TNXB: variants seen among roughly 807,000 people sequenced by gnomAD.
TNXB encodes the protein tenascin XB, also known as tenascin-X.
In TNXB, 183 loss-of-function variants were observed where a neutral mutation model predicts 340.5. The ratio of observed to expected loss-of-function variants is 0.54; its 90% CI spans 0.48 to 0.61. TNXB has a LOEUF of 0.61. TNXB is among the 20% of genes least tolerant of loss of function. The probability of loss-of-function intolerance (pLI) is 0.00; values close to 1 mark genes in which losing one functional copy is unlikely to be tolerated. For missense variants in TNXB, 4,613 were observed against 5,446.4 expected, an observed-to-expected ratio of 0.85 and a Z score of 4.82; for synonymous variants, 2,121 against 2,314.5, an observed-to-expected ratio of 0.92 and a Z score of 2.40.
intron 1 of TNXB, among the ~76,000 whole-genome samples, chr6:32,101,676 T>C (rs1250266310): frequency 4.0e-5 from 6 of 151,074 alleles, no homozygotes; most frequent in African/African-American, 1.5e-4. Flanking sequence ...TGATCTGCCT[T>C]GGCCTCCCAA....
chr6:32,064,592 G>A lies in TNXB; in HGVS notation c.6841+229C>T, dbSNP rs191786672. On this transcript the variant is annotated intron_variant, in intron 19 of 43. Transcript: ENST00000644971. The surrounding 1 kb of genome is among the most constrained non-coding windows in gnomAD (Gnocchi z 5.3). The stretch of plus-strand genomic sequence containing the variant: ...CAACCCCAGGTGTGCCTCAGTCTGT[G>A]TTATTTTCCTGGTCCCCCACCTCTT... 3.3e-5 allele frequency among the ~76,000 whole-genome samples: 5 copies of A among 152,250 alleles called. No individual in the cohort carries two copies. The highest frequency in any genetic ancestry group is 2.0e-4 in the Admixed American group (3 of 15,292).
rs973238129 is a variant in TNXB, at chr6:32,080,838, G to A, written c.4042+530C>T. Among the ~76,000 whole-genome samples, 1 of 152,182 alleles carries A rather than the reference G, an allele frequency of 6.6e-6. No homozygotes were observed. The highest frequency in any genetic ancestry group is 1.5e-5 in the Non-Finnish European group (1 of 68,032). ...AATCCCTTTGCCCTGTTCCAAGGGG[G>A]CTGGGAGTCAAGGAGTCGGGAGCTG... On this transcript the variant is annotated intron_variant, in intron 10 of 43. Coordinates refer to ENST00000644971, the MANE Select transcript of TNXB (RefSeq NM_001365276.2). The surrounding 1 kb of genome is among the most constrained non-coding windows in gnomAD (Gnocchi z 4.3).
chr6:32,104,358 C>T (rs1167179202), intron 1 of TNXB, among the ~76,000 whole-genome samples: 36 of 152,254 alleles, frequency 2.4e-4, no homozygotes, highest in Non-Finnish European at 5.9e-5. Context: ...ACTTGGGCAC[C>T]TCAAATTCAC....
rs1359105353 is a variant in TNXB at position 32,051,312 on chromosome 6, CCCCATTAGGACAGGAACTTTT to C, written c.9116-1012_9116-992del. On this transcript the variant is annotated intron_variant, in intron 26 of 43. Coordinates refer to ENST00000644971, the MANE Select transcript of TNXB (RefSeq NM_001365276.2). The surrounding 1 kb of genome is among the most constrained non-coding windows in gnomAD (Gnocchi z 4.7). ...CACAGCCTGTCCCCCATGACGTTAG[CCCCATTAGGACAGGAACTTTT>C]CCCATTAGGACAGGAACCCTAACTC... 4.6e-5 allele frequency among the ~76,000 whole-genome samples: 7 copies of C among 152,306 alleles called. No homozygotes were observed. Among genetic ancestry groups the C allele is most frequent in the South Asian group, 4.1e-4 (2 of 4,826 alleles).
In TNXB at chr6:32,097,990, T is replaced by C. The variant is rs199581373; in HGVS notation, c.209A>G (p.Gln70Arg). 349 of 1,607,158 alleles carry C rather than the reference T, an allele frequency of 2.2e-4. No individual in the cohort carries two copies. The highest frequency in any genetic ancestry group is 2.6e-4 in the Non-Finnish European group (304 of 1,178,016). Residue 70 changes from glutamine (Q) to arginine (R), a missense_variant, in exon 2 of 44, where the codon CAG becomes CGG. By Grantham distance (43) the Gln-to-Arg change is conservative. Transcript: ENST00000644971. This position sits in a 1 kb window ranked among gnomAD's most constrained non-coding sequence, Gnocchi z 5.9. ...GTTAATGCGGTGGGTGAATACCACC[T>C]GCTTCTCCCCTCCTTCCACTGTGTG... is the stretch of plus-strand genomic sequence containing the variant. ...YEHTVEGGEK[Q>R]VVFTHRINLP...
Position 32,041,186 on chromosome 6 carries a change from C to A in TNXB, c.*163G>T. The A allele has an allele frequency of 8.1e-7, 1 of 1,229,734 alleles. No individual in the cohort carries two copies. The highest frequency in any genetic ancestry group is 1.2e-6 in the Non-Finnish European group (1 of 846,874). 76.2% of individuals were successfully genotyped at this position (1,229,734 alleles called of 1,614,324 possible). Reference sequence around the variant, plus strand: ...ACCTCAGTTTCTCCTTTATTGCTCCCGTACGAACCCCTCCCCTCCCCCCTG... The same window carrying A: ...ACCTCAGTTTCTCCTTTATTGCTCCAGTACGAACCCCTCCCCTCCCCCCTG... On this transcript the variant is annotated 3_prime_UTR_variant, in exon 44 of 44. Transcript: ENST00000644971.
rs1318144876 is a variant in TNXB at position 32,088,895 on chromosome 6, G to C, written c.2669C>G (p.Ala890Gly). The change falls in exon 6 of 44, where the codon GCA becomes GGA. Residue 890 changes from alanine (A) to glycine (G), a missense_variant. By Grantham distance (60) the Ala-to-Gly change is moderately conservative. Transcript: ENST00000644971. Reference protein sequence around the residue: ...QRVRLEVPPEADGTLLTDLMP... With the variant: ...QRVRLEVPPEGDGTLLTDLMP... ...CAGGTCAGTCAGCAGCGTCCCGTCT[G>C]CTTCAGGGGGCACTTCCAGCCTCAC... is the stretch of plus-strand genomic sequence containing the variant. 13 of 1,593,676 alleles carry C rather than the reference G, an allele frequency of 8.2e-6. No homozygotes were observed. The highest frequency in any genetic ancestry group is 1.1e-5 in the Non-Finnish European group (13 of 1,170,314).
Position 32,079,059 on chromosome 6 carries a change from C to G in TNXB, c.4349G>C (p.Gly1450Ala). ...TGTCACGCCCACGGCGGACACCGGG[C>G]CCACGCGCTGCCCCTCGTGGAGGCC... is the stretch of plus-strand genomic sequence containing the variant. ...LYGLHEGQRV[G>A]PVSAVGVTAP... Residue 1450 changes from glycine to alanine, a missense_variant, in exon 11 of 44, where the codon GGC (glycine) becomes GCC (alanine). Physicochemically the swap from Gly to Ala is moderately conservative, Grantham distance 60. Around this residue, in one of 7 missense-constraint regions of TNXB, gnomAD observed 4,327 missense variants for 4,859.4 expected, o/e 0.89. Transcript: ENST00000644971. This position sits in a 1 kb window ranked among gnomAD's most constrained non-coding sequence, Gnocchi z 7.1. 1 of 1,612,938 alleles carries G rather than the reference C, an allele frequency of 6.2e-7. No homozygotes were observed. The highest frequency in any genetic ancestry group is 8.5e-7 in the Non-Finnish European group (1 of 1,179,630).
Position 32,075,205 on chromosome 6 carries a change from T to C in TNXB, c.4376-1253A>G, listed in dbSNP as rs1387895874. ...CCTCACCCCCCTTTAGTCTGTTGGGTCTGCAGCCAGAAGGATCCTGTTAAC... is the reference window on the plus strand; with the variant it reads ...CCTCACCCCCCTTTAGTCTGTTGGGCCTGCAGCCAGAAGGATCCTGTTAAC... On this transcript the variant is annotated intron_variant, in intron 11 of 43. Transcript: ENST00000644971. The surrounding 1 kb of genome is among the most constrained non-coding windows in gnomAD (Gnocchi z 4.6). Among the ~76,000 whole-genome samples the C allele has an allele frequency of 6.6e-6, 1 of 152,152 alleles. No homozygotes were observed. Among genetic ancestry groups the C allele is most frequent in the African/African-American group, 2.4e-5 (1 of 41,432 alleles).
At chr6:32,078,888 C>A (rs553857631) in intron 11 of TNXB, 145 bp downstream of exon 11, 1 of 869,506 alleles carries the variant, frequency 1.2e-6, no homozygotes, top group African/African-American at 1.7e-5. Flanking sequence ...TGGTGGTACG[C>A]CAGTCCCCAG....
chr6:32,067,687 C>T lies in TNXB; in HGVS notation c.6518G>A (p.Gly2173Asp). 1.2e-6 allele frequency: 2 copies of T among 1,613,672 alleles called. No individual in the cohort carries two copies. Among genetic ancestry groups the T allele is most frequent in the Non-Finnish European group, 8.5e-7 (1 of 1,179,750 alleles). ...CGTGACGCCCACAGCAGACACTGGG[C>T]CCACGCGCCGCCCCTCGTGGAGGCC... ...LYGLHEGRRV[G>D]PVSAVGVTAP... Residue 2173 changes from glycine (G) to aspartate (D), a missense_variant, in exon 18 of 44, where the codon GGC becomes GAC. Transcript: ENST00000644971. This position sits in a 1 kb window ranked among gnomAD's most constrained non-coding sequence, Gnocchi z 4.2.
rs781198472 is a variant in TNXB, at chr6:32,056,782, C to T, written c.7947G>A (p.Thr2649=). The part of the protein sequence containing the change: ...ATPDSLSLSW[T]VPEGQFDHFL... ...AGTGGTCAAACTGGCCCTCGGGAAC[C>T]GTCCAGGACAGGCTGAGGGAGTCAG... The change falls in exon 23 of 44, where the codon ACG becomes ACA. Residue 2649 remains threonine (T), a synonymous_variant. Coordinates refer to ENST00000644971, the MANE Select transcript of TNXB (RefSeq NM_001365276.2). 4.3e-5 allele frequency: 69 copies of T among 1,613,202 alleles called. No individual in the cohort carries two copies. Among genetic ancestry groups the T allele is most frequent in the Non-Finnish European group, 4.8e-5 (57 of 1,179,870 alleles).
intron 25 of TNXB, 118 bp downstream of exon 25, chr6:32,053,269 AC>A (rs1448191716): frequency 3.8e-5 from 56 of 1,459,342 alleles, no homozygotes; most frequent in Middle Eastern, 2.4e-4. Context: ...GTGGGGAAAG[AC>A]AAAAAAGTAC....
intron 11 of TNXB, among the ~76,000 whole-genome samples, chr6:32,077,303 T>C (rs1482188997): frequency 6.6e-6 from 1 of 152,182 alleles, no homozygotes; most frequent in Non-Finnish European, 1.5e-5. Flanking sequence ...CGTCTCCCTC[T>C]TCTCAGGGCT....
In TNXB at chr6:32,046,123, A is replaced by G. The variant is rs1776850913; in HGVS notation, c.10606+52T>C. 2 of 1,549,150 alleles carry G rather than the reference A, an allele frequency of 1.3e-6. No homozygotes were observed. The highest frequency in any genetic ancestry group is 1.7e-6 in the Non-Finnish European group (2 of 1,143,674). The stretch of plus-strand genomic sequence containing the variant: ...TCATCTTTGTCTTCAGCCCAAATGC[A>G]CAAGGAAACCCACACAAGCTGGCTT... On this transcript the variant is annotated intron_variant, in intron 31 of 43. Transcript: ENST00000644971. This position sits in a 1 kb window ranked among gnomAD's most constrained non-coding sequence, Gnocchi z 6.9.
chr6:32,065,092 A>T lies in TNXB; in HGVS notation c.6570T>A (p.Ala2190=). The T allele has an allele frequency of 6.3e-7, 1 of 1,588,762 alleles. No individual in the cohort carries two copies. The highest frequency in any genetic ancestry group is 1.1e-5 in the South Asian group (1 of 87,470). Residue 2190 remains alanine (A), a synonymous_variant, in exon 19 of 44, where the codon GCT becomes GCA. Transcript: ENST00000644971. ...VTAPEEESPD[A]PLAKLRLGQM... ...GCCCTAGGCGCAGCTTTGCAAGAGG[A>T]GCATCAGGGGACTCCTCTTCGGGGG...
chr6:32,063,699 T>A (rs1778164005), intron 19 of TNXB, among the ~76,000 whole-genome samples: 1 of 152,254 alleles, frequency 6.6e-6, no homozygotes, highest in South Asian at 2.1e-4. Flanking sequence ...ATTTCTTTAA[T>A]CTTTTCTGCT....
rs773691198 is a variant in TNXB at position 32,043,809 on chromosome 6, T to G, written c.11470A>C (p.Thr3824Pro). 1 of 1,613,414 alleles carries G rather than the reference T, an allele frequency of 6.2e-7. No homozygotes were observed. The highest frequency in any genetic ancestry group is 1.7e-5 in the Admixed American group (1 of 60,012). ...GLIPGARYEV[T>P]VVSVRGFEES... ...TCAAAGCCTCGGACCGAGACCACGG[T>G]CACCTCATAGCGAGCGCCTGGGATC... The change falls in exon 35 of 44, where the codon ACC (threonine) becomes CCC (proline). Residue 3824 changes from threonine (T) to proline (P), a missense_variant. Thr to Pro is a conservative substitution (Grantham distance 38, BLOSUM62 -1). This residue lies in a region of TNXB where 114 missense variants were observed against 104.5 expected (regional missense o/e 1.09). Transcript: ENST00000644971.
At chr6:32,092,976 C>T (rs1393572335) in intron 4 of TNXB, among the ~76,000 whole-genome samples, 1 of 152,214 alleles carries the variant, frequency 6.6e-6, no homozygotes, top group African/African-American at 2.4e-5. Flanking sequence ...CATCCTGGCT[C>T]TGAGTGAGGG....
Sources: gnomAD v4.1 joint callset for allele counts (sites outside exome capture counted in the v4.1 genomes callset) on GRCh38, gnomAD v4.1.1 for gene constraint, gnomAD v4.1.1 regional missense constraint, Gnocchi (gnomAD v3.1) non-coding constraint, MANE v1.5 for transcripts, NCBI Gene and HGNC (gene_info 2026-07-23, HGNC 2026-07-21) for gene names.